Variants in IL1RAPL1 observed in about 807,000 individuals in gnomAD.
IL1RAPL1 encodes the protein interleukin 1 receptor accessory protein like 1.
In IL1RAPL1, 3 loss-of-function variants were observed where a neutral mutation model predicts 48.4. The observed-to-expected ratio is 0.06, with a 90% CI of 0.03 to 0.16. IL1RAPL1 has a LOEUF of 0.16. Among genes scored for constraint, IL1RAPL1 ranks in the 10% least tolerant of loss-of-function variants. The pLI is 1.00. For missense variants in IL1RAPL1, 349 were observed against 530.6 expected, an observed-to-expected ratio of 0.66 and a Z score of 3.36; for synonymous variants, 185 against 187.7, an observed-to-expected ratio of 0.99 and a Z score of 0.12.
intron 6 of IL1RAPL1, among the ~76,000 whole-genome samples, chrX:29,802,832 T>C (rs1569172883): frequency 3.9e-5 from 3 of 76,122 alleles, no homozygotes; most frequent in African/African-American, 1.2e-4. Context: ...TATGTATACA[T>C]ATATGTATAC....
intron 2 of IL1RAPL1, among the ~76,000 whole-genome samples, chrX:29,275,435 A>G (rs1328124153): frequency 2.7e-5 from 3 of 111,733 alleles, no homozygotes; most frequent in Non-Finnish European, 5.6e-5. Context: ...TCACCACTCC[A>G]CTATTTCAGA....
chrX:28,812,767 A>C (rs1233421544), intron 2 of IL1RAPL1, among the ~76,000 whole-genome samples: 2 of 110,987 alleles, frequency 1.8e-5, no homozygotes, highest in Non-Finnish European at 3.8e-5. Flanking sequence ...AGGGAAGCTT[A>C]AGGGTAATAC....
chrX:28,999,961 C>T (rs1452224536), intron 2 of IL1RAPL1, among the ~76,000 whole-genome samples: 1 of 111,525 alleles, frequency 9.0e-6, no homozygotes, highest in Non-Finnish European at 1.9e-5. Context: ...CATTCCCCGG[C>T]TCCTCCAGAG....
At chrX:29,919,205 G>A (rs1009664467) in intron 7 of IL1RAPL1, among the ~76,000 whole-genome samples, 4 of 111,811 alleles carry the variant, frequency 3.6e-5, no homozygotes, top group Non-Finnish European at 7.5e-5. Context: ...GCTGATTTTC[G>A]TATTTAAAAC....
intron 1 of IL1RAPL1, among the ~76,000 whole-genome samples, chrX:28,656,080 G>T (rs1474375438): frequency 1.8e-5 from 2 of 112,104 alleles, no homozygotes; most frequent in South Asian, 3.7e-4. Flanking sequence ...CAAAGAAAAA[G>T]AAATAGCAAT....
chrX:29,332,715 T>C (rs868274038), intron 3 of IL1RAPL1, among the ~76,000 whole-genome samples: 1 of 107,761 alleles, frequency 9.3e-6, no homozygotes, highest in African/African-American at 3.4e-5. Flanking sequence ...GGCAGGGTCA[T>C]AGGACAATAG....
chrX:29,697,130 C>T (rs189705468), intron 6 of IL1RAPL1, among the ~76,000 whole-genome samples: 8 of 111,240 alleles, frequency 7.2e-5, no homozygotes, highest in Admixed American at 1.9e-4. Context: ...ACTGCACTGC[C>T]GCAAGTGAGG....
chrX:29,584,312 C>T (rs1047305083), intron 5 of IL1RAPL1, among the ~76,000 whole-genome samples: 6 of 111,580 alleles, frequency 5.4e-5, no homozygotes, highest in Non-Finnish European at 1.1e-4. Context: ...TGAAAACATA[C>T]GAACAGTCCA....
intron 2 of IL1RAPL1, among the ~76,000 whole-genome samples, chrX:29,134,473 A>G (rs1929085201): frequency 8.9e-6 from 1 of 111,825 alleles, no homozygotes; most frequent in South Asian, 3.8e-4. Flanking sequence ...CCAATTACTA[A>G]TGAATAGCAT....
chrX:28,928,158 A>G (rs1923794805), intron 2 of IL1RAPL1, among the ~76,000 whole-genome samples: 1 of 111,251 alleles, frequency 9.0e-6, no homozygotes, highest in Non-Finnish European at 1.9e-5. Flanking sequence ...CCCGATGACT[A>G]AAGTCAAATT....
chrX:29,822,754 G>T (rs763830649), intron 6 of IL1RAPL1, among the ~76,000 whole-genome samples: 8 of 110,762 alleles, frequency 7.2e-5, no homozygotes, highest in Non-Finnish European at 1.5e-4. Flanking sequence ...AAAAGCTGTT[G>T]GTATTCTGTA....
intron 5 of IL1RAPL1, among the ~76,000 whole-genome samples, chrX:29,635,968 T>A (rs1924955340): frequency 9.0e-6 from 1 of 111,445 alleles, no homozygotes; most frequent in Non-Finnish European, 1.9e-5. Context: ...GATATCCATA[T>A]GTCCTTGGTT....
intron 5 of IL1RAPL1, among the ~76,000 whole-genome samples, chrX:29,577,242 T>A (rs1922807150): frequency 8.9e-6 from 1 of 111,989 alleles, no homozygotes; most frequent in Admixed American, 9.5e-5. Context: ...ATACTGCAGA[T>A]AATTTATGCA....
intron 2 of IL1RAPL1, among the ~76,000 whole-genome samples, chrX:29,018,111 A>G (rs975331852): frequency 2.7e-5 from 3 of 111,862 alleles, no homozygotes; most frequent in African/African-American, 9.7e-5. Context: ...TCACCTTTGT[A>G]TTGATATTTT....
At chrX:29,495,200 C>A (rs1935200814) in intron 5 of IL1RAPL1, among the ~76,000 whole-genome samples, 1 of 111,876 alleles carries the variant, frequency 8.9e-6, no homozygotes, top group Non-Finnish European at 1.9e-5. Flanking sequence ...TTCCTTGTAA[C>A]CTTATCTTGA....
intron 2 of IL1RAPL1, among the ~76,000 whole-genome samples, chrX:28,834,791 G>A (rs984501628): frequency 9.0e-6 from 1 of 111,042 alleles, no homozygotes; most frequent in Admixed American, 9.6e-5. Context: ...AAGATCATGC[G>A]CCTAGGGAGC....
chrX:29,765,991 C>A (rs185868301), intron 6 of IL1RAPL1, among the ~76,000 whole-genome samples: 47 of 110,211 alleles, frequency 4.3e-4, no homozygotes, highest in Middle Eastern at 4.7e-3. Context: ...AACCAGAAAC[C>A]ACCTGTACCT....
intron 1 of IL1RAPL1, among the ~76,000 whole-genome samples, chrX:28,654,659 T>G (rs186964184): frequency 2.9e-4 from 33 of 112,024 alleles, no homozygotes; most frequent in Admixed American, 2.0e-3. Context: ...GGATAGAAAA[T>G]ATCAAGCACA....
intron 5 of IL1RAPL1, among the ~76,000 whole-genome samples, chrX:29,666,039 T>C (rs1925988664): frequency 9.0e-6 from 1 of 111,651 alleles, no homozygotes; most frequent in South Asian, 3.7e-4. Flanking sequence ...TTGATCTTTT[T>C]GTACCTCAGA....
Sources: gnomAD v4.1 joint callset for allele counts (sites outside exome capture counted in the v4.1 genomes callset) on GRCh38, gnomAD v4.1.1 for gene constraint, MANE v1.5 for transcripts, NCBI Gene and HGNC (gene_info 2026-07-23, HGNC 2026-07-21) for gene names.